Variants in STS observed in about 807,000 individuals in gnomAD.
STS encodes the protein steroid sulfatase, also known as steryl-sulfatase.
A neutral mutation model predicts 26.8 loss-of-function variants in STS; 7 were observed. That is an observed-to-expected ratio of 0.26 (90% CI 0.15 to 0.49). The LOEUF (loss-of-function observed/expected upper bound fraction) is 0.49, where lower values mean the gene tolerates loss of function less well. Ranked by LOEUF, STS falls within the 20% of genes least tolerant of loss-of-function variation. STS has a pLI of 0.98. For missense variants in STS, 434 were observed against 465.6 expected (o/e 0.93, Z 0.63); for synonymous variants, 199 against 189.4 (o/e 1.05, Z -0.42).
chrX:7,206,670 C>T (rs1920952022), intron 2 of STS, among the ~76,000 whole-genome samples: 1 of 111,529 alleles, frequency 9.0e-6, no homozygotes, highest in African/African-American at 3.3e-5. Flanking sequence ...GCTGTGTGAT[C>T]CAAGGGCCTT....
chrX:7,320,457 T>C (rs750518543), intron 8 of STS, among the ~76,000 whole-genome samples: 1 of 111,490 alleles, frequency 9.0e-6, no homozygotes, highest in East Asian at 2.8e-4. Flanking sequence ...TTCCTGTTTA[T>C]TTATGCTGTT....
At position 7,238,670 on chromosome X, in the gene STS, A is replaced by AT. The variant is rs1221453945; in HGVS notation, c.-4-14519dup. 3.6e-5 allele frequency among the ~76,000 whole-genome samples: 4 copies of AT among 110,392 alleles called. No homozygotes were observed. In the South Asian group the frequency reaches 1.6e-3, roughly 43 times the overall value. ...ATAGCGAGAACCCATCTCTACAAAA[A>AT]TTTTTTTAAAAATTAGCTAGGTGTG... On this transcript the variant is annotated intron_variant, in intron 2 of 10. Coordinates refer to ENST00000674429, the MANE Select transcript of STS (RefSeq NM_001320752.2).
chrX:7,263,330 A>G lies in STS; in HGVS notation c.806+3558A>G, dbSNP rs940224930. ...ATGATCCACCCGCCTCGGCCTCTCG[A>G]AGTACTGGGATTACAGGCATGAGCC... On this transcript the variant is annotated intron_variant, in intron 6 of 10. Coordinates refer to ENST00000674429, the MANE Select transcript of STS (RefSeq NM_001320752.2). Among the ~76,000 whole-genome samples, 2 of 112,490 alleles carry G rather than the reference A, an allele frequency of 1.8e-5. 1 individual carries two copies. Among genetic ancestry groups the G allele is most frequent in the South Asian group, 7.3e-4 (2 of 2,734 alleles).
chrX:7,299,100 T>C (rs1217080566), intron 7 of STS, among the ~76,000 whole-genome samples: 1 of 95,255 alleles, frequency 1.0e-5, no homozygotes, highest in Non-Finnish European at 2.0e-5. Flanking sequence ...TTATGTTATA[T>C]GTATATAACA....
intron 1 of STS, among the ~76,000 whole-genome samples, chrX:7,184,777 G>A (rs1933743556): frequency 8.9e-6 from 1 of 111,868 alleles, no homozygotes. Context: ...GCAGAAAAAT[G>A]TATGACTATT....
At position 7,242,906 on chromosome X, in the gene STS, C is replaced by G. The variant is rs781638913; in HGVS notation, c.-4-10290C>G. 5.4e-5 allele frequency among the ~76,000 whole-genome samples: 6 copies of G among 111,926 alleles called. No individual in the cohort carries two copies. In the South Asian group the frequency reaches 1.9e-3, roughly 35 times the overall value. On this transcript the variant is annotated intron_variant, in intron 2 of 10. Transcript: ENST00000674429. ...ATACAATCATAGAACCACCATAGGA[C>G]TGCTATAATGTCATCTTTCTGGGTT... is the stretch of plus-strand genomic sequence containing the variant.
chrX:7,278,752 G>A (rs1924661130), intron 7 of STS, among the ~76,000 whole-genome samples: 1 of 111,283 alleles, frequency 9.0e-6, no homozygotes, highest in African/African-American at 3.3e-5. Context: ...CGGGGTGGTC[G>A]ACATGATTTT....
intron 8 of STS, 88 bp downstream of exon 8, chrX:7,305,271 T>A: frequency 8.9e-7 from 1 of 1,117,901 alleles, no homozygotes; most frequent in Non-Finnish European, 1.2e-6. Flanking sequence ...TCCATAGTTC[T>A]TCTGCTACTT....
chrX:7,190,117 A>G (rs941430610), intron 1 of STS, among the ~76,000 whole-genome samples: 2 of 110,640 alleles, frequency 1.8e-5, no homozygotes, highest in Non-Finnish European at 3.8e-5. Context: ...TTATTATTAC[A>G]TTGTAATATA....
chrX:7,219,792 G>GT, intron 2 of STS: 1 of 916,762 alleles, frequency 1.1e-6, no homozygotes. Flanking sequence ...CTCCCAACAT[G>GT]TGTTGTCTTG....
At chrX:7,316,298 C>A (rs1430920424) in intron 8 of STS, among the ~76,000 whole-genome samples, 5 of 111,766 alleles carry the variant, frequency 4.5e-5, no homozygotes, top group African/African-American at 1.6e-4. Flanking sequence ...GTGCTCACCC[C>A]ACCCCAAAAA....
chrX:7,216,307 C>T (rs746326704), intron 2 of STS, among the ~76,000 whole-genome samples: 2 of 111,706 alleles, frequency 1.8e-5, no homozygotes, highest in South Asian at 3.8e-4. Context: ...TTTAGGGGGT[C>T]TCCCAGGAAA....
At chrX:7,249,893 C>T (rs1182306996) in intron 2 of STS, among the ~76,000 whole-genome samples, 4 of 110,496 alleles carry the variant, frequency 3.6e-5, no homozygotes, top group Admixed American at 2.9e-4. Flanking sequence ...ATTCATGCCA[C>T]GTTTTGGTTG....
chrX:7,199,233 A>G (rs974081318), intron 2 of STS, among the ~76,000 whole-genome samples: 6 of 111,569 alleles, frequency 5.4e-5, no homozygotes, highest in Non-Finnish European at 9.4e-5. Context: ...CATCTATACT[A>G]CAACTTCTCA....
Position 7,257,270 on chromosome X carries a change from G to T in STS, c.166G>T (p.Gly56Trp), listed in dbSNP as rs1464017292. ...TCCCAATATCGACCGGTTGGCCAGT[G>T]GGGGAGTGAAACTCACTCAGCACCT... ...RTPNIDRLAS[G>W]GVKLTQHLAA... The change falls in exon 4 of 11, where the codon GGG becomes TGG. Residue 56 changes from glycine to tryptophan, a missense_variant. Gly to Trp is a radical substitution (Grantham distance 184, BLOSUM62 -2). Coordinates refer to ENST00000674429, the MANE Select transcript of STS (RefSeq NM_001320752.2). The T allele has an allele frequency of 8.3e-7, 1 of 1,211,083 alleles. No individual in the cohort carries two copies. The highest frequency in any genetic ancestry group is 1.1e-6 in the Non-Finnish European group (1 of 895,094).
intron 6 of STS, among the ~76,000 whole-genome samples, chrX:7,275,040 A>G (rs981901277): frequency 5.4e-5 from 6 of 111,592 alleles, no homozygotes; most frequent in African/African-American, 1.6e-4. Context: ...CCAGACACAG[A>G]AAGACAAATA....
intron 1 of STS, among the ~76,000 whole-genome samples, chrX:7,189,042 C>G (rs1933825277): frequency 9.0e-6 from 1 of 111,450 alleles, no homozygotes; most frequent in Non-Finnish European, 1.9e-5. Flanking sequence ...TTCTGAGATT[C>G]TGATTGAACC....
chrX:7,231,363 G>A (rs889345660), intron 2 of STS, among the ~76,000 whole-genome samples: 3 of 112,180 alleles, frequency 2.7e-5, no homozygotes, highest in African/African-American at 6.5e-5. Context: ...TTGATATTAC[G>A]TGGTTTTATA....
chrX:7,255,024 A>G (rs776405722), intron 3 of STS, among the ~76,000 whole-genome samples: 85 of 112,580 alleles, frequency 7.6e-4, no homozygotes, highest in Non-Finnish European at 9.9e-4. Flanking sequence ...CTTGGACAGT[A>G]TATTTAATCA....
Sources: allele counts gnomAD v4.1 joint callset (sites outside exome capture counted in the v4.1 genomes callset), GRCh38; gene constraint gnomAD v4.1.1; transcripts MANE v1.5; gene names NCBI Gene and HGNC (gene_info 2026-07-23, HGNC 2026-07-21).